Variants in FAM184B observed in about 807,000 individuals in gnomAD.
The protein encoded by FAM184B is protein FAM184B.
FAM184B carries 111 observed loss-of-function variants against 135.9 expected under a neutral mutation model. That is an observed-to-expected ratio of 0.82 (90% CI 0.70 to 0.96). The LOEUF (loss-of-function observed/expected upper bound fraction) is 0.96. Ranked by LOEUF, FAM184B falls within the 40% of genes least tolerant of loss-of-function variation. The probability of loss-of-function intolerance (pLI) is 0.00; values close to 1 mark genes in which losing one functional copy is unlikely to be tolerated. For synonymous variants in FAM184B, 552 were observed against 524.8 expected (o/e 1.05, Z -0.71); for missense variants, 1,375 against 1,323.9 (o/e 1.04, Z -0.60).
rs1416435540 is a variant in FAM184B at position 17,641,579 on chromosome 4, C to CGCGATTTT, written c.2519+469_2519+476dup. On this transcript the variant is annotated intron_variant, in intron 13 of 17. Coordinates refer to ENST00000265018, the MANE Select transcript of FAM184B (RefSeq NM_015688.2). ...CTGCAACCTGGTCCTCCCGAGTTCA[C>CGCGATTTT]GCGATTTTCCTGCCTCAGCCTCCCG... is the stretch of plus-strand genomic sequence containing the variant. Among the ~76,000 whole-genome samples the CGCGATTTT allele has an allele frequency of 7.7e-5, 10 of 130,676 alleles. No individual in the cohort carries two copies. The East Asian group carries it at 1.2e-3, about 15-fold the overall frequency. 85.7% of individuals were successfully genotyped at this position (130,676 alleles called of 152,430 possible).
At chr4:17,672,451 A>G (rs1435987792) in intron 7 of FAM184B, among the ~76,000 whole-genome samples, 1 of 152,196 alleles carries the variant, frequency 6.6e-6, no homozygotes, top group Non-Finnish European at 1.5e-5. Context: ...TCTAGTTCTC[A>G]GAGGGAATAC....
At chr4:17,742,665 T>C (rs1718070727) in intron 1 of FAM184B, among the ~76,000 whole-genome samples, 2 of 152,220 alleles carry the variant, frequency 1.3e-5, no homozygotes, top group African/African-American at 4.8e-5. Context: ...AGACTGTGGA[T>C]AGATGCAGCT....
rs28501187 is a variant in FAM184B, at chr4:17,641,997, G to C, written c.2519+59C>G. On this transcript the variant is annotated intron_variant, in intron 13 of 17. Transcript: ENST00000265018. Reference sequence around the variant, plus strand: ...CTCAGCCAGCCGCAGTAGGGGGAGGGGGGGTGGCGGGGTAGGGGGTGAGGG... The same window carrying C: ...CTCAGCCAGCCGCAGTAGGGGGAGGCGGGGTGGCGGGGTAGGGGGTGAGGG... 9 of 1,461,976 alleles carry C rather than the reference G, an allele frequency of 6.2e-6. No homozygotes were observed. In the South Asian group the frequency reaches 1.2e-4, roughly 20 times the overall value. 90.6% of individuals were successfully genotyped at this position (1,461,976 alleles called of 1,614,324 possible). A position where few individuals can be genotyped will look rare whatever the true frequency, so the allele number is the denominator to read the frequency against.
intron 7 of FAM184B, among the ~76,000 whole-genome samples, chr4:17,670,731 G>A (rs997690960): frequency 3.3e-5 from 5 of 152,192 alleles, no homozygotes; most frequent in African/African-American, 1.2e-4. Flanking sequence ...ATTTACAGAT[G>A]GGGAATTAAA....
chr4:17,674,698 A>T (rs1420944223), intron 7 of FAM184B, among the ~76,000 whole-genome samples: 1 of 152,226 alleles, frequency 6.6e-6, no homozygotes, highest in Non-Finnish European at 1.5e-5. Context: ...TGATCTATTA[A>T]CTAAGTTCAT....
chr4:17,675,602 G>C (rs1716294140), intron 7 of FAM184B, among the ~76,000 whole-genome samples: 1 of 152,196 alleles, frequency 6.6e-6, no homozygotes, highest in Non-Finnish European at 1.5e-5. Context: ...CTCTAGCTGT[G>C]AAAGTCCTAG....
intron 1 of FAM184B, among the ~76,000 whole-genome samples, chr4:17,769,784 A>C (rs1431189221): frequency 6.6e-6 from 1 of 152,244 alleles, no homozygotes; most frequent in Non-Finnish European, 1.5e-5. Context: ...TTAGTCTATC[A>C]ACAAATACTT....
At chr4:17,776,322 G>C (rs1560199297) in intron 1 of FAM184B, among the ~76,000 whole-genome samples, 1 of 152,216 alleles carries the variant, frequency 6.6e-6, no homozygotes, top group African/African-American at 2.4e-5. Flanking sequence ...CTATGTGTCA[G>C]ACTTTGTACA....
intron 11 of FAM184B, among the ~76,000 whole-genome samples, 173 bp from the exon 12 acceptor site, chr4:17,647,964 T>C (rs951312984): frequency 3.9e-5 from 6 of 152,124 alleles, no homozygotes; most frequent in African/African-American, 1.4e-4. Context: ...GGGCCATGTG[T>C]GAAAACTGTT....
At chr4:17,737,080 G>A (rs774972964) in intron 1 of FAM184B, among the ~76,000 whole-genome samples, 5 of 151,890 alleles carry the variant, frequency 3.3e-5, no homozygotes, top group African/African-American at 9.7e-5. Context: ...AGGGGCGGAG[G>A]TTACAGTGAG....
In FAM184B at chr4:17,709,262, C is replaced by T. The variant is rs1320113146; in HGVS notation, c.524G>A (p.Arg175Gln). ...GGTTTCAGGGCTCTCCTGGGGCAGC[C>T]GGCCCTGCGGGGTAGCCTCGTGGCT... ...LTSHEATPQG[R>Q]LPQESPETKS... The change falls in exon 2 of 18, where the codon CGG becomes CAG. Residue 175 changes from arginine to glutamine, a missense_variant. Transcript: ENST00000265018. The T allele has an allele frequency of 5.2e-6, 8 of 1,546,766 alleles. No individual in the cohort carries two copies. Among genetic ancestry groups the T allele is most frequent in the Admixed American group, 3.9e-5 (2 of 50,756 alleles).
intron 1 of FAM184B, among the ~76,000 whole-genome samples, chr4:17,779,828 C>A (rs1423258647): frequency 6.6e-6 from 1 of 152,208 alleles, no homozygotes; most frequent in Non-Finnish European, 1.5e-5. Context: ...CTCAATATTT[C>A]AAATCTTGTT....
intron 1 of FAM184B, among the ~76,000 whole-genome samples, chr4:17,716,316 G>GCTTGACCCTTT (rs1717400563): frequency 1.3e-5 from 2 of 151,918 alleles, no homozygotes; most frequent in Admixed American, 1.3e-4. Context: ...TGTTCTCTGA[G>GCTTGACCCTTT]CTTGACCCTT....
intron 2 of FAM184B, among the ~76,000 whole-genome samples, chr4:17,708,220 C>T (rs1052672380): frequency 6.6e-6 from 1 of 152,114 alleles, no homozygotes; most frequent in African/African-American, 2.4e-5. Flanking sequence ...GTCCTTACGC[C>T]TCTCAATTTC....
chr4:17,683,417 A>G (rs953450705), intron 7 of FAM184B, among the ~76,000 whole-genome samples: 4 of 152,194 alleles, frequency 2.6e-5, no homozygotes, highest in Non-Finnish European at 1.5e-5. Flanking sequence ...AGACCTCACA[A>G]AGACCCTCTG....
rs1397466083 is a variant in FAM184B at position 17,642,169 on chromosome 4, G to C, written c.2406C>G (p.Gly802=). 120 of 1,532,368 alleles carry C rather than the reference G, an allele frequency of 7.8e-5. No homozygotes were observed. The highest frequency in any genetic ancestry group is 2.8e-5 in the African/African-American group (2 of 72,134). The allele number at this position is 1,532,368 out of a possible 1,614,324, so 94.9% of individuals were successfully genotyped here. The change falls in exon 13 of 18, where the codon GGC becomes GGG. Residue 802 remains glycine, a synonymous_variant. Coordinates refer to ENST00000265018, the MANE Select transcript of FAM184B (RefSeq NM_015688.2). ...TCTCCTCCCAGAGCCCGCATCCCTC[G>C]CCGGAACCCTGCCCAGCAGCGCCCG... ...SPPGAAGQGS[G]EGCGLWEENA...
intron 12 of FAM184B, among the ~76,000 whole-genome samples, 200 bp downstream of exon 12, chr4:17,647,437 A>G (rs1356294242): frequency 2.6e-5 from 4 of 151,704 alleles, no homozygotes; most frequent in African/African-American, 9.7e-5. Flanking sequence ...TTTTGTAGAG[A>G]TATAGTCTTG....
rs76326489 is a variant in FAM184B at position 17,751,672 on chromosome 4, C to G, written c.141+29487G>C. Among the ~76,000 whole-genome samples, 1,002 of 152,102 alleles carry G rather than the reference C, an allele frequency of 6.6e-3. 17 individuals carry two copies. Among genetic ancestry groups the G allele is most frequent in the African/African-American group, 0.022 (894 of 41,472 alleles). On this transcript the variant is annotated intron_variant, in intron 1 of 17. Coordinates refer to ENST00000265018, the MANE Select transcript of FAM184B (RefSeq NM_015688.2). Reference sequence around the variant, plus strand: ...AGCCTGGTTCTATCTGAGCCTGTTTCAACATCCACGTTTAAGCAATAGGCA... The same window carrying G: ...AGCCTGGTTCTATCTGAGCCTGTTTGAACATCCACGTTTAAGCAATAGGCA...
intron 9 of FAM184B, 64 bp from the exon 10 acceptor site, chr4:17,658,626 A>G (rs1715838141): frequency 6.8e-7 from 1 of 1,463,582 alleles, no homozygotes; most frequent in African/African-American, 1.4e-5. Context: ...TTTTCTTCAA[A>G]TAAAAGCTTT....
Sources: allele counts gnomAD v4.1 joint callset (sites outside exome capture counted in the v4.1 genomes callset), GRCh38; gene constraint gnomAD v4.1.1; transcripts MANE v1.5; gene names NCBI Gene and HGNC (gene_info 2026-07-23, HGNC 2026-07-21).